ARHGEF11: variants seen among roughly 807,000 people sequenced by gnomAD.
ARHGEF11 encodes Rho guanine nucleotide exchange factor 11, also known as Rho guanine exchange factor (GEF) 11.
A neutral mutation model predicts 193.7 loss-of-function variants in ARHGEF11; 55 were observed. The ratio of observed to expected loss-of-function variants is 0.28; its 90% confidence interval spans 0.23 to 0.36. The LOEUF (loss-of-function observed/expected upper bound fraction) is 0.36. Among genes scored for constraint, ARHGEF11 ranks in the 10% least tolerant of loss-of-function variants. The pLI, the probability that ARHGEF11 is intolerant of heterozygous loss-of-function variation, is 1.00. For synonymous variants in ARHGEF11, 693 were observed against 768.0 expected, an observed-to-expected ratio of 0.90 and a Z score of 1.62; for missense variants, 1,723 against 2,005.6, an observed-to-expected ratio of 0.86 and a Z score of 2.69.
chr1:157,044,798 G>A lies in ARHGEF11; in HGVS notation c.-468C>T, dbSNP rs986389096. The A allele has an allele frequency of 2.1e-5, 7 of 340,004 alleles. No individual in the cohort carries two copies. Among genetic ancestry groups the A allele is most frequent in the Non-Finnish European group, 3.7e-5 (7 of 190,936 alleles). 21.1% of individuals were successfully genotyped at this position (340,004 alleles called of 1,614,324 possible). A position where few individuals can be genotyped will look rare whatever the true frequency, so the allele number is the denominator to read the frequency against. On this transcript the variant is annotated 5_prime_UTR_variant, in exon 1 of 41. Transcript: ENST00000368194. ...GCAAGAGACCCTCTAGCTCAAAGGG[G>A]GAAAGTAATTTTCTAGTCTCCAATG...
In ARHGEF11 at chr1:156,979,299, C is replaced by A; in HGVS notation, c.274-13G>T. ...TGGTGCCGTTGACCTGTTGGAGGGACAAACAGTATTGAGTAATGGTAATGA... is the reference window on the plus strand; with the variant it reads ...TGGTGCCGTTGACCTGTTGGAGGGAAAAACAGTATTGAGTAATGGTAATGA... On this transcript the variant is annotated splice_polypyrimidine_tract_variant and intron_variant, in intron 4 of 40. Coordinates refer to ENST00000368194, the MANE Select transcript of ARHGEF11 (RefSeq NM_198236.3). The A allele has an allele frequency of 6.3e-7, 1 of 1,599,490 alleles. No homozygotes were observed. Among genetic ancestry groups the A allele is most frequent in the Non-Finnish European group, 8.5e-7 (1 of 1,171,310 alleles).
intron 1 of ARHGEF11, among the ~76,000 whole-genome samples, chr1:156,990,916 A>G (rs1326604291): frequency 6.6e-6 from 1 of 152,214 alleles, no homozygotes; most frequent in African/African-American, 2.4e-5. Context: ...TGCATTTACA[A>G]ACAAGATCTG....
At chr1:156,989,088 A>G (rs554289333) in intron 1 of ARHGEF11, among the ~76,000 whole-genome samples, 1 of 152,110 alleles carries the variant, frequency 6.6e-6, no homozygotes, top group South Asian at 2.1e-4. Flanking sequence ...TTCTCATCAA[A>G]ATTTGGCAGC....
chr1:156,956,929 G>A (rs2102078521), intron 18 of ARHGEF11, among the ~76,000 whole-genome samples: 1 of 152,312 alleles, frequency 6.6e-6, no homozygotes, highest in Middle Eastern at 3.4e-3. Context: ...CAGATGTGGA[G>A]GACTGGCTGA....
chr1:156,955,000 T>C, intron 20 of ARHGEF11, 79 bp from the exon 21 acceptor site: 1 of 1,315,724 alleles, frequency 7.6e-7, no homozygotes, highest in Non-Finnish European at 1.1e-6. Context: ...AAAAATTACA[T>C]CAAGCCAAAA....
At chr1:157,025,360 A>G (rs17412099) in intron 1 of ARHGEF11, among the ~76,000 whole-genome samples, 14,647 of 152,254 alleles carry the variant, frequency 0.096, 953 homozygotes, top group Non-Finnish European at 0.14. Context: ...ATAAATAAGC[A>G]CACAATACAA....
chr1:157,002,346 A>G (rs1300383808), intron 1 of ARHGEF11, among the ~76,000 whole-genome samples: 3 of 152,210 alleles, frequency 2.0e-5, no homozygotes, highest in Non-Finnish European at 2.9e-5. Flanking sequence ...AGTGAGGCAC[A>G]TAAGATACAC....
intron 40 of ARHGEF11, 181 bp from the exon 41 acceptor site, chr1:156,936,239 C>T (rs535258833): frequency 1.5e-5 from 12 of 781,114 alleles, no homozygotes; most frequent in African/African-American, 1.0e-4. Flanking sequence ...TTCATCAGCG[C>T]CTAAAGCCCT....
intron 1 of ARHGEF11, among the ~76,000 whole-genome samples, chr1:157,040,458 G>A (rs1265325124): frequency 6.6e-6 from 1 of 152,182 alleles, no homozygotes; most frequent in African/African-American, 2.4e-5. Flanking sequence ...GGAATGGCTG[G>A]AGATCACAGA....
intron 1 of ARHGEF11, among the ~76,000 whole-genome samples, chr1:156,991,004 T>C (rs1216478434): frequency 6.6e-6 from 1 of 152,196 alleles, no homozygotes; most frequent in Admixed American, 6.5e-5. Context: ...AAATTTATTA[T>C]AAATTTTTGA....
Position 157,043,297 on chromosome 1 carries a change from T to A in ARHGEF11, c.32+1002A>T, listed in dbSNP as rs112451617. Among the ~76,000 whole-genome samples the A allele has an allele frequency of 4.1e-3, 620 of 152,218 alleles. 4 individuals are homozygous for A. The highest frequency in any genetic ancestry group is 8.6e-3 in the Admixed American group (132 of 15,302). ...GCTTGTTCAGTCCTTCAACCACCCA[T>A]CTATCCAGTTAGGATGTGTGCAGTG... On this transcript the variant is annotated intron_variant, in intron 1 of 40. Transcript: ENST00000368194.
intron 1 of ARHGEF11, among the ~76,000 whole-genome samples, chr1:156,991,774 T>A (rs1481947983): frequency 1.9e-4 from 26 of 135,780 alleles, no homozygotes; most frequent in Middle Eastern, 3.8e-3. Context: ...TGGAGTGCAG[T>A]GGCGGGATCT....
Position 156,948,417 on chromosome 1 carries a change from G to A in ARHGEF11, c.2007C>T (p.Asn669=), listed in dbSNP as rs962497593. The change falls in exon 23 of 41, where the codon AAC becomes AAT. Residue 669 remains asparagine, a synonymous_variant. Coordinates refer to ENST00000368194, the MANE Select transcript of ARHGEF11 (RefSeq NM_198236.3). This position sits in a 1 kb window ranked among gnomAD's most constrained non-coding sequence, Gnocchi z 4.2. ...EEMKRSRKAE[N]VPRSRSDVDM... ...CAACATCACTGCGAGAGCGGGGCACGTTCTCTGCCTTTCGAGACCGTTTCA... is the reference window on the plus strand; with the variant it reads ...CAACATCACTGCGAGAGCGGGGCACATTCTCTGCCTTTCGAGACCGTTTCA... 16 of 1,614,232 alleles carry A rather than the reference G, an allele frequency of 9.9e-6. 1 individual carries two copies. In the Admixed American group the frequency reaches 1.2e-4, roughly 12 times the overall value.
chr1:156,938,326 G>C, intron 38 of ARHGEF11, 92 bp downstream of exon 38: 3 of 1,198,640 alleles, frequency 2.5e-6, no homozygotes, highest in Non-Finnish European at 3.6e-6. Context: ...TTGTGGGTGT[G>C]TGTGTGACCA....
At chr1:156,943,379 T>C (rs1216944209) in intron 32 of ARHGEF11, among the ~76,000 whole-genome samples, 1 of 152,178 alleles carries the variant, frequency 6.6e-6, no homozygotes, top group Non-Finnish European at 1.5e-5. Context: ...ATAAAACTTT[T>C]TCATACCCGT....
chr1:156,961,786 A>C lies in ARHGEF11; in HGVS notation c.1141-11T>G, dbSNP rs1372246384. 1 of 1,613,234 alleles carries C rather than the reference A, an allele frequency of 6.2e-7. No homozygotes were observed. Among genetic ancestry groups the C allele is most frequent in the African/African-American group, 1.3e-5 (1 of 74,892 alleles). ...ACACAGGTAAAAAAGCTAGGAGGAG[A>C]GAGAACTGGGTTAGAGCAGTGGTTC... On this transcript the variant is annotated splice_polypyrimidine_tract_variant and intron_variant, in intron 13 of 40. Coordinates refer to ENST00000368194, the MANE Select transcript of ARHGEF11 (RefSeq NM_198236.3).
chr1:157,006,160 G>T (rs1667797040), intron 1 of ARHGEF11, among the ~76,000 whole-genome samples: 1 of 152,010 alleles, frequency 6.6e-6, no homozygotes. Flanking sequence ...GTAGAGATAG[G>T]GTCTTGCTAT....
Position 156,984,274 on chromosome 1 carries a change from A to C in ARHGEF11, c.223+65T>G. The C allele has an allele frequency of 2.3e-6, 3 of 1,279,146 alleles. No homozygotes were observed. The East Asian group carries it at 7.7e-5, about 33-fold the overall frequency. 79.2% of individuals were successfully genotyped at this position (1,279,146 alleles called of 1,614,324 possible). ...CACAGGAAAGCACAGGTAGAATGGC[A>C]CTGTCACATACATGGTGGCTTTGCA... is the stretch of plus-strand genomic sequence containing the variant. On this transcript the variant is annotated intron_variant, in intron 3 of 40. Transcript: ENST00000368194.
chr1:156,943,811 G>T, intron 32 of ARHGEF11, 124 bp downstream of exon 32: 1 of 1,240,318 alleles, frequency 8.1e-7, no homozygotes, highest in Non-Finnish European at 1.1e-6. Context: ...GGTCAGGACA[G>T]GAGGAAAGGA....
Sources: gnomAD v4.1 joint callset for allele counts (sites outside exome capture counted in the v4.1 genomes callset) on GRCh38, gnomAD v4.1.1 for gene constraint, Gnocchi (gnomAD v3.1) non-coding constraint, MANE v1.5 for transcripts, NCBI Gene and HGNC (gene_info 2026-07-23, HGNC 2026-07-21) for gene names.